The following NTRK3 variants were observed in gnomAD, a reference collection of about 807,000 sequenced individuals.
NTRK3 encodes neurotrophic receptor tyrosine kinase 3.
Under a neutral mutation model 91.7 loss-of-function variants are expected in NTRK3, and 24 were observed. The ratio of observed to expected loss-of-function variants is 0.26; its 90% CI spans 0.19 to 0.37. NTRK3 has a LOEUF of 0.37. Ranked by LOEUF, NTRK3 falls within the 10% of genes least tolerant of loss-of-function variation. The probability of loss-of-function intolerance (pLI) is 1.00; values close to 1 mark genes in which losing one functional copy is unlikely to be tolerated. For synonymous variants in NTRK3, 483 were observed against 404.0 expected, an observed-to-expected ratio of 1.20 and a Z score of -2.34; for missense variants, 880 against 1,068.9, an observed-to-expected ratio of 0.82 and a Z score of 2.46.
intron 14 of NTRK3, among the ~76,000 whole-genome samples, chr15:88,022,750 C>T (rs117914547): frequency 0.014 from 2,104 of 152,154 alleles, 21 homozygotes; most frequent in Non-Finnish European, 0.022. Context: ...TTCCCCTCCT[C>T]GACCATGAAG....
chr15:88,149,527 A>C (rs1471073637), intron 5 of NTRK3, among the ~76,000 whole-genome samples: 4 of 152,206 alleles, frequency 2.6e-5, no homozygotes, highest in Non-Finnish European at 5.9e-5. Context: ...TATACACCTA[A>C]GCCATCCATC....
At chr15:88,046,889 T>C (rs6496460) in intron 13 of NTRK3, among the ~76,000 whole-genome samples, 42,409 of 152,124 alleles carry the variant, frequency 0.28, 6,085 homozygotes, top group Middle Eastern at 0.37. Context: ...TGTGCAGGTA[T>C]AAATGCAACA....
intron 3 of NTRK3, among the ~76,000 whole-genome samples, chr15:88,252,076 G>A (rs1281952660): frequency 6.6e-6 from 1 of 152,178 alleles, no homozygotes; most frequent in Non-Finnish European, 1.5e-5. Flanking sequence ...AGGTCTCCAG[G>A]TTTGATCCTG....
chr15:88,198,274 C>G (rs539611590), intron 3 of NTRK3, among the ~76,000 whole-genome samples: 2 of 152,194 alleles, frequency 1.3e-5, no homozygotes, highest in East Asian at 3.9e-4. Context: ...CTGCTTCCTC[C>G]TCCTCTCATA....
chr15:87,861,245 A>G (rs1214094939), exon 19 of NTRK3: 2 of 218,296 alleles, frequency 9.2e-6, no homozygotes, highest in Non-Finnish European at 1.8e-5. Context: ...GGGGGATGGA[A>G]ATCAGTTACA....
chr15:88,219,934 C>G (rs147643608), intron 3 of NTRK3, among the ~76,000 whole-genome samples: 1 of 152,172 alleles, frequency 6.6e-6, no homozygotes, highest in African/African-American at 2.4e-5. Context: ...GAACTTGCAT[C>G]CAAACCCAGA....
intron 5 of NTRK3, among the ~76,000 whole-genome samples, chr15:88,172,562 T>C (rs2045617154): frequency 1.3e-5 from 2 of 152,148 alleles, no homozygotes; most frequent in African/African-American, 2.4e-5. Context: ...TATAAGAAAA[T>C]TCTTAAGGTT....
chr15:87,906,685 CTAAAA>C (rs777577413), intron 17 of NTRK3, among the ~76,000 whole-genome samples: 3 of 152,100 alleles, frequency 2.0e-5, no homozygotes, highest in Non-Finnish European at 2.9e-5. Flanking sequence ...ACTAAATAAA[CTAAAA>C]TATTTCGTAT....
chr15:88,186,116 G>A (rs1039846637), intron 3 of NTRK3, among the ~76,000 whole-genome samples: 1 of 152,178 alleles, frequency 6.6e-6, no homozygotes, highest in African/African-American at 2.4e-5. Context: ...AGGTCCCCCA[G>A]TGTATTCCCC....
chr15:88,102,687 T>C (rs1033204781), intron 13 of NTRK3, among the ~76,000 whole-genome samples: 1 of 152,326 alleles, frequency 6.6e-6, no homozygotes, highest in Admixed American at 6.5e-5. Flanking sequence ...AAGAATTGGC[T>C]TGAAGATTCC....
At chr15:88,042,369 G>A (rs2079720573) in intron 13 of NTRK3, among the ~76,000 whole-genome samples, 1 of 152,166 alleles carries the variant, frequency 6.6e-6, no homozygotes, top group Non-Finnish European at 1.5e-5. Context: ...CAGACCTGGG[G>A]ACTAGTCATG....
chr15:88,171,218 C>T (rs983950760), intron 5 of NTRK3, among the ~76,000 whole-genome samples: 8 of 152,146 alleles, frequency 5.3e-5, no homozygotes, highest in African/African-American at 1.7e-4. Flanking sequence ...TAAATCTCCC[C>T]ACAGGACTGG....
intron 14 of NTRK3, among the ~76,000 whole-genome samples, chr15:87,957,330 A>C (rs1394445658): frequency 6.6e-6 from 1 of 152,186 alleles, no homozygotes; most frequent in African/African-American, 2.4e-5. Context: ...CAAGAAGTAC[A>C]TTATTATGAC....
At chr15:88,206,318 C>A (rs1471304623) in intron 3 of NTRK3, among the ~76,000 whole-genome samples, 2 of 143,818 alleles carry the variant, frequency 1.4e-5, no homozygotes, top group Non-Finnish European at 3.0e-5. Flanking sequence ...TGCACTCCAG[C>A]CTGGGCGACA....
intron 17 of NTRK3, among the ~76,000 whole-genome samples, chr15:87,896,246 G>A (rs893462595): frequency 2.0e-5 from 3 of 152,130 alleles, no homozygotes; most frequent in Non-Finnish European, 2.9e-5. Context: ...GCCGAGGCAC[G>A]CAAATCATGA....
intron 10 of NTRK3, among the ~76,000 whole-genome samples, chr15:88,130,135 G>A (rs996307809): frequency 3.9e-5 from 6 of 152,172 alleles, no homozygotes; most frequent in African/African-American, 1.4e-4. Flanking sequence ...TGTTGTTTAA[G>A]CCACCCAGTC....
chr15:88,078,954 G>A (rs1036897510), intron 13 of NTRK3, among the ~76,000 whole-genome samples: 1 of 152,382 alleles, frequency 6.6e-6, no homozygotes, highest in African/African-American at 2.4e-5. Context: ...GGGCACCCCA[G>A]TGGGTCTGAA....
At chr15:88,056,064 C>G (rs1322442882) in intron 13 of NTRK3, among the ~76,000 whole-genome samples, 3 of 151,746 alleles carry the variant, frequency 2.0e-5, no homozygotes, top group Non-Finnish European at 2.9e-5. Flanking sequence ...TAGAAAGAAA[C>G]AAAGGAGCAT....
chr15:88,014,087 A>G (rs1273658405), intron 14 of NTRK3, among the ~76,000 whole-genome samples: 3 of 152,240 alleles, frequency 2.0e-5, no homozygotes, highest in African/African-American at 7.2e-5. Flanking sequence ...GGCTCTTAGA[A>G]TTTGTAAAAG....
Sources: allele counts gnomAD v4.1 joint callset (sites outside exome capture counted in the v4.1 genomes callset), GRCh38; gene constraint gnomAD v4.1.1; transcripts MANE v1.5; gene names NCBI Gene and HGNC (gene_info 2026-07-23, HGNC 2026-07-21).